The following TIGD7 variants were observed in gnomAD, a reference collection of about 807,000 sequenced individuals.
TIGD7 encodes the protein tigger transposable element-derived protein 7.
In TIGD7, 26 loss-of-function variants were observed where a neutral mutation model predicts 24.8. That is an observed-to-expected ratio of 1.05 (90% CI 0.77 to 1.45). The LOEUF (loss-of-function observed/expected upper bound fraction) is 1.45. TIGD7 is among the 40% of genes most tolerant of loss of function. The pLI, the probability that TIGD7 is intolerant of heterozygous loss-of-function variation, is 0.00. For missense variants in TIGD7, 679 were observed against 641.6 expected, an observed-to-expected ratio of 1.06 and a Z score of -0.63; for synonymous variants, 221 against 224.1, an observed-to-expected ratio of 0.99 and a Z score of 0.12.
chr16:3,304,243 GC>G (rs1363543166), intron 1 of TIGD7, among the ~76,000 whole-genome samples: 1 of 152,140 alleles, frequency 6.6e-6, no homozygotes, highest in Admixed American at 6.5e-5. Flanking sequence ...TCTAAATGCA[GC>G]CCAACTCAGT....
In TIGD7 at chr16:3,299,604, G is replaced by A; in HGVS notation, c.1011C>T (p.Ser337=). The A allele has an allele frequency of 6.4e-7, 1 of 1,559,570 alleles. No individual in the cohort carries two copies. The highest frequency in any genetic ancestry group is 8.6e-7 in the Non-Finnish European group (1 of 1,159,534). ...GCTTCCATCTATACAGCCGTTTGCA[G>A]CTCAAGATCACACCTTGATTCATTG... ...IQPMNQGVIL[S]CKRLYRWKQL... The change falls in exon 2 of 2, where the codon AGC becomes AGT. Residue 337 remains serine (S), a synonymous_variant. Transcript: ENST00000396862.
chr16:3,304,529 C>T (rs1359815887), intron 1 of TIGD7, among the ~76,000 whole-genome samples: 1 of 152,226 alleles, frequency 6.6e-6, no homozygotes, highest in Admixed American at 6.5e-5. Context: ...TCTTACTCAA[C>T]TCTGCAATAT....
chr16:3,304,666 A>G (rs1432721377), intron 1 of TIGD7: 1 of 152,270 alleles, frequency 6.6e-6, no homozygotes, highest in African/African-American at 2.4e-5. Context: ...ACAGACTGAC[A>G]TTACAAAAAC....
At chr16:3,304,413 C>G (rs1001281880) in intron 1 of TIGD7, among the ~76,000 whole-genome samples, 9 of 152,154 alleles carry the variant, frequency 5.9e-5, no homozygotes, top group African/African-American at 1.7e-4. Context: ...CTTGGATTTT[C>G]TTGGAGTTCT....
Position 3,299,564 on chromosome 16 carries a change from G to C in TIGD7, c.1051C>G (p.Leu351Val), listed in dbSNP as rs1480426463. ...LYRWKQLEESLVIFEESDDEQ... is the reference protein window; with the variant it reads ...LYRWKQLEESVVIFEESDDEQ... ...TCATCACTTTCTTCAAATATTACAA[G>C]ACTCTCTTCAAGTTGCTTCCATCTA... The change falls in exon 2 of 2, where the codon CTT (leucine) becomes GTT (valine). Residue 351 changes from leucine to valine, a missense_variant. Physicochemically the swap from Leu to Val is conservative, Grantham distance 32. Coordinates refer to ENST00000396862, the MANE Select transcript of TIGD7 (RefSeq NM_033208.4). 20 of 1,532,990 alleles carry C rather than the reference G, an allele frequency of 1.3e-5. No homozygotes were observed. Among genetic ancestry groups the C allele is most frequent in the Admixed American group, 2.3e-5 (1 of 43,322 alleles). 95.0% of individuals were successfully genotyped at this position (1,532,990 alleles called of 1,614,324 possible). A position where few individuals can be genotyped will look rare whatever the true frequency, so the allele number is the denominator to read the frequency against.
In TIGD7 at chr16:3,300,927, G is replaced by C. The variant is rs1475467912; in HGVS notation, c.-313C>G. 1 of 251,140 alleles carries C rather than the reference G, an allele frequency of 4.0e-6. No homozygotes were observed. The highest frequency in any genetic ancestry group is 2.3e-5 in the African/African-American group (1 of 44,008). 15.6% of individuals were successfully genotyped at this position (251,140 alleles called of 1,614,324 possible). On this transcript the variant is annotated 5_prime_UTR_variant, in exon 2 of 2. Transcript: ENST00000396862. ...TCTTTTGACAGATACAACAGCCTCA[G>C]TCAGGAATGACAGGAATACCTGCAT...
intron 1 of TIGD7, among the ~76,000 whole-genome samples, chr16:3,303,507 T>G (rs539549729): frequency 2.6e-5 from 4 of 152,248 alleles, no homozygotes; most frequent in African/African-American, 9.6e-5. Flanking sequence ...CTGGTTCTGA[T>G]AGACTGAGAA....
rs533642330 is a variant in TIGD7, at chr16:3,300,772, A to G, written c.-158T>C. The G allele has an allele frequency of 7.8e-6, 10 of 1,275,838 alleles. No individual in the cohort carries two copies. The South Asian group carries it at 1.2e-4, about 15-fold the overall frequency. 79.0% of individuals were successfully genotyped at this position (1,275,838 alleles called of 1,614,324 possible). ...GGATAATGGACTGAAGGGGCTAACC[A>G]TGACTGAAGAGCTAGTCTAGAGGTG... On this transcript the variant is annotated 5_prime_UTR_variant, in exon 2 of 2. An upstream start codon of the reference 5' UTR is lost. Transcript: ENST00000396862.
chr16:3,299,351 C>T lies in TIGD7; in HGVS notation c.1264G>A (p.Glu422Lys). ...AACTCCCCACATTTTTCAAGAATTTCTCTATAATCCCCATGTTCTAAGCCT... is the reference window on the plus strand; with the variant it reads ...AACTCCCCACATTTTTCAAGAATTTTTCTATAATCCCCATGTTCTAAGCCT... ...FQGLEHGDYREILEKCGELET... is the reference protein window; with the variant it reads ...FQGLEHGDYRKILEKCGELET... The change falls in exon 2 of 2, where the codon GAA (glutamate) becomes AAA (lysine). Residue 422 changes from glutamate to lysine, a missense_variant. Coordinates refer to ENST00000396862, the MANE Select transcript of TIGD7 (RefSeq NM_033208.4). 6.3e-7 allele frequency: 1 copy of T among 1,589,736 alleles called. No homozygotes were observed. The highest frequency in any genetic ancestry group is 1.8e-5 in the Admixed American group (1 of 55,470).
chr16:3,302,957 C>T (rs1959982496), intron 1 of TIGD7, among the ~76,000 whole-genome samples: 1 of 151,738 alleles, frequency 6.6e-6, no homozygotes, highest in Admixed American at 6.6e-5. Flanking sequence ...CGTGCCTCAG[C>T]CTCCTAAGTA....
rs775617976 is a variant in TIGD7 at position 3,300,069 on chromosome 16, G to T, written c.546C>A (p.Leu182=). The change falls in exon 2 of 2, where the codon CTC becomes CTA. Residue 182 remains leucine (L), a synonymous_variant. Transcript: ENST00000396862. ...AQLYSGDETD[L]FWKSMPENSQ... is the part of the protein sequence containing the mutation. Reference sequence around the variant, plus strand: ...AATTTTCTGGCATTGACTTCCAAAAGAGGTCTGTTTCATCCCCACTGTATA... The same window carrying T: ...AATTTTCTGGCATTGACTTCCAAAATAGGTCTGTTTCATCCCCACTGTATA... The T allele has an allele frequency of 4.3e-6, 7 of 1,614,004 alleles. No individual in the cohort carries two copies. In the African/African-American group the frequency reaches 5.3e-5, roughly 12 times the overall value.
At position 3,299,365 on chromosome 16, in the gene TIGD7, T is replaced by C; in HGVS notation, c.1250A>G (p.His417Arg). 3 of 1,571,118 alleles carry C rather than the reference T, an allele frequency of 1.9e-6. No homozygotes were observed. The highest frequency in any genetic ancestry group is 2.6e-6 in the Non-Finnish European group (3 of 1,161,144). ...TTCAAGAATTTCTCTATAATCCCCA[T>C]GTTCTAAGCCTTGAAAATCATATTC... is the stretch of plus-strand genomic sequence containing the variant. ...EPEYDFQGLE[H>R]GDYREILEKC... The change falls in exon 2 of 2, where the codon CAT becomes CGT. Residue 417 changes from histidine (H) to arginine (R), a missense_variant. His to Arg is a conservative substitution (Grantham distance 29). Coordinates refer to ENST00000396862, the MANE Select transcript of TIGD7 (RefSeq NM_033208.4).
At chr16:3,302,383 C>T (rs895080115) in intron 1 of TIGD7, among the ~76,000 whole-genome samples, 1 of 152,168 alleles carries the variant, frequency 6.6e-6, no homozygotes, top group Non-Finnish European at 1.5e-5. Context: ...GCCTCAGCCT[C>T]CCAAAGTGCT....
At position 3,299,892 on chromosome 16, in the gene TIGD7, G is replaced by A; in HGVS notation, c.723C>T (p.Asp241=). 6.2e-7 allele frequency: 1 copy of A among 1,607,972 alleles called. No individual in the cohort carries two copies. The highest frequency in any genetic ancestry group is 8.5e-7 in the Non-Finnish European group (1 of 1,177,006). ...TATATATCACAGGCAATGTACTTGTGTCCTCTTTCACACTTTTGGGCAGTT... is the reference window on the plus strand; with the variant it reads ...TATATATCACAGGCAATGTACTTGTATCCTCTTTCACACTTTTGGGCAGTT... ...KSKLPKSVKE[D]TSTLPVIYKP... The change falls in exon 2 of 2, where the codon GAC becomes GAT. Residue 241 remains aspartate, a synonymous_variant. Coordinates refer to ENST00000396862, the MANE Select transcript of TIGD7 (RefSeq NM_033208.4).
In TIGD7 at chr16:3,299,535, C is replaced by T. The variant is rs966205108; in HGVS notation, c.1080G>A (p.Glu360=). The change falls in exon 2 of 2, where the codon GAG becomes GAA. Residue 360 remains glutamate, a synonymous_variant. Transcript: ENST00000396862. The part of the protein sequence containing the change: ...SLVIFEESDD[E]QEKGDKGVSK... ...AAACTCCTTTATCTCCTTTCTCTTG[C>T]TCATCATCACTTTCTTCAAATATTA... 2 of 1,526,512 alleles carry T rather than the reference C, an allele frequency of 1.3e-6. No individual in the cohort carries two copies. The allele number at this position is 1,526,512 out of a possible 1,614,324, so 94.6% of individuals were successfully genotyped here. A position where few individuals can be genotyped will look rare whatever the true frequency, so the allele number is the denominator to read the frequency against.
rs1959868325 is a variant in TIGD7 at position 3,299,467 on chromosome 16, C to T, written c.1148G>A (p.Trp383Ter). The T allele has an allele frequency of 2.6e-6, 4 of 1,552,934 alleles. No individual in the cohort carries two copies. The highest frequency in any genetic ancestry group is 3.5e-6 in the Non-Finnish European group (4 of 1,152,014). The change falls in exon 2 of 2, where the codon TGG becomes TAG. Residue 383 changes from tryptophan to a stop codon, truncating the protein, a stop_gained. Transcript: ENST00000396862. LOFTEE classifies it low-confidence loss of function (END_TRUNC). ...IYNIKSAIFN[W>*]AKSWEEVKQI... Reference sequence around the variant, plus strand: ...TTTTACTTCTTCCCAACTTTTTGCCCAGTTAAAAATTGCACTTTTTATATT... The same window carrying T: ...TTTTACTTCTTCCCAACTTTTTGCCTAGTTAAAAATTGCACTTTTTATATT...
chr16:3,302,433 T>C (rs1959964648), intron 1 of TIGD7, among the ~76,000 whole-genome samples: 2 of 152,272 alleles, frequency 1.3e-5, no homozygotes, highest in South Asian at 4.1e-4. Flanking sequence ...GCCCATAGAA[T>C]TCTCTTAGGT....
At position 3,299,815 on chromosome 16, in the gene TIGD7, A is replaced by T; in HGVS notation, c.800T>A (p.Phe267Tyr). Residue 267 changes from phenylalanine to tyrosine, a missense_variant, in exon 2 of 2, where the codon TTT becomes TAT. Physicochemically the swap from Phe to Tyr is conservative, Grantham distance 22. Coordinates refer to ENST00000396862, the MANE Select transcript of TIGD7 (RefSeq NM_033208.4). ...TCGGACCTCAGGAACAAAGTTTTGA[A>T]AAAACCATTCTGAAAACAATTCTCT... ...FTRELFSEWF[F>Y]QNFVPEVRHF... The T allele has an allele frequency of 6.3e-7, 1 of 1,588,694 alleles. No homozygotes were observed. The highest frequency in any genetic ancestry group is 8.5e-7 in the Non-Finnish European group (1 of 1,171,126).
chr16:3,299,301 C>A lies in TIGD7; in HGVS notation c.1314G>T (p.Arg438Ser). Residue 438 changes from arginine (R) to serine (S), a missense_variant, in exon 2 of 2, where the codon AGG (arginine) becomes AGT (serine). Arg to Ser is a moderately radical substitution (Grantham distance 110). Coordinates refer to ENST00000396862, the MANE Select transcript of TIGD7 (RefSeq NM_033208.4). ...TTTCTTCATCTCCATTTAACCACAC[C>A]CTATCATCATCCAACTTAGTTTCCA... ...GELETKLDDD[R>S]VWLNGDEEKG... 6.2e-7 allele frequency: 1 copy of A among 1,608,690 alleles called. No homozygotes were observed. The highest frequency in any genetic ancestry group is 8.5e-7 in the Non-Finnish European group (1 of 1,178,094).
Sources: gnomAD v4.1 joint callset for allele counts (sites outside exome capture counted in the v4.1 genomes callset) on GRCh38, gnomAD v4.1.1 for gene constraint, MANE v1.5 for transcripts, NCBI Gene and HGNC (gene_info 2026-07-23, HGNC 2026-07-21) for gene names.